Variants in TRIM14 observed in about 807,000 individuals in gnomAD.
The protein encoded by TRIM14 is tripartite motif containing 14.
In TRIM14, 28 loss-of-function variants were observed where a neutral mutation model predicts 44.5. The ratio of observed to expected loss-of-function variants is 0.63; its 90% CI spans 0.47 to 0.86. TRIM14 has a LOEUF of 0.86. Among genes scored for constraint, TRIM14 ranks in the 40% least tolerant of loss-of-function variants. The pLI, the probability that TRIM14 is intolerant of heterozygous loss-of-function variation, is 0.00. For missense variants in TRIM14, 607 were observed against 611.1 expected, an observed-to-expected ratio of 0.99 and a Z score of 0.07; for synonymous variants, 299 against 269.2, an observed-to-expected ratio of 1.11 and a Z score of -1.08.
At chr9:98,106,031 T>C (rs540767604) in intron 2 of TRIM14, among the ~76,000 whole-genome samples, 2 of 151,962 alleles carry the variant, frequency 1.3e-5, no homozygotes, top group Admixed American at 1.3e-4. Context: ...TGAAAATGAG[T>C]CTGGAGCTAC....
chr9:98,058,618 T>C, the TRIM14 span, among the ~76,000 whole-genome samples: 3 of 152,200 alleles, frequency 2.0e-5, no homozygotes, highest in Non-Finnish European at 4.4e-5. Context: ...CTAGAGATAC[T>C]GAAGCCATAG....
chr9:98,049,185 T>C, the TRIM14 span, among the ~76,000 whole-genome samples: 1 of 150,670 alleles, frequency 6.6e-6, no homozygotes, highest in African/African-American at 2.4e-5. Context: ...CTAATAAAAA[T>C]ACAAAAATTA....
chr9:98,083,478 T>C (rs1255585598), downstream of TRIM14, among the ~76,000 whole-genome samples: 1 of 152,250 alleles, frequency 6.6e-6, no homozygotes. Flanking sequence ...CCTTGGCCTC[T>C]GTGTTTAGTT....
the TRIM14 span, among the ~76,000 whole-genome samples, chr9:98,046,887 C>T: frequency 5.9e-5 from 9 of 152,176 alleles, no homozygotes; most frequent in South Asian, 4.1e-4. Context: ...GGATTAGGCA[C>T]GTACAGGACC....
chr9:98,079,238 C>T (rs1829736975), intron 6 of TRIM14, among the ~76,000 whole-genome samples: 1 of 152,192 alleles, frequency 6.6e-6, no homozygotes, highest in African/African-American at 2.4e-5. Flanking sequence ...CTGTCTCACG[C>T]CATCTCTCTC....
chr9:98,054,759 T>A, the TRIM14 span, among the ~76,000 whole-genome samples: 4 of 152,186 alleles, frequency 2.6e-5, no homozygotes, highest in African/African-American at 4.8e-5. Flanking sequence ...GGTGGCCGCT[T>A]GGGCTGGCCT....
chr9:98,044,005 CTTTTTTTTTT>C, the TRIM14 span, among the ~76,000 whole-genome samples: 4 of 131,260 alleles, frequency 3.0e-5, no homozygotes, highest in Non-Finnish European at 4.8e-5. Flanking sequence ...TATTTGTTTC[CTTTTTTTTTT>C]TTTTTTTTTC....
chr9:98,087,834 T>A lies in TRIM14; in HGVS notation c.965A>T (p.His322Leu). ...LARDCFATGR[H>L]YWEVDVQEAG... ...CTCCTGCACGTCAACCTCCCAGTAG[T>A]GGCGGCCGGTGGCGAAGCAGTCACG... is the stretch of plus-strand genomic sequence containing the variant. Residue 322 changes from histidine to leucine, a missense_variant, in exon 6 of 6, where the codon CAC becomes CTC. Transcript: ENST00000341469. 2.6e-6 allele frequency: 4 copies of A among 1,542,482 alleles called. No homozygotes were observed. The highest frequency in any genetic ancestry group is 3.5e-6 in the Non-Finnish European group (4 of 1,156,370).
At chr9:98,106,379 A>G (rs552661298) in intron 2 of TRIM14, among the ~76,000 whole-genome samples, 1 of 152,356 alleles carries the variant, frequency 6.6e-6, no homozygotes, top group African/African-American at 2.4e-5. Context: ...ATTGAATATA[A>G]ATGCTCACAG....
the TRIM14 span, among the ~76,000 whole-genome samples, chr9:98,047,162 A>G: frequency 6.6e-6 from 1 of 152,182 alleles, no homozygotes. Context: ...TTCTCATGGT[A>G]GTGAGTAAGT....
At chr9:98,111,420 C>T (rs941192554) in intron 1 of TRIM14, among the ~76,000 whole-genome samples, 1 of 151,140 alleles carries the variant, frequency 6.6e-6, no homozygotes, top group South Asian at 2.1e-4. Flanking sequence ...CAAAAAACAA[C>T]AAACAAAACA....
At chr9:98,091,085 T>C (rs764296979) in intron 5 of TRIM14, among the ~76,000 whole-genome samples, 1 of 152,220 alleles carries the variant, frequency 6.6e-6, no homozygotes, top group Non-Finnish European at 1.5e-5. Flanking sequence ...GTAATTCCAC[T>C]TGAGAAATTA....
At chr9:98,091,594 G>T (rs1395209264) in intron 5 of TRIM14, among the ~76,000 whole-genome samples, 2 of 151,888 alleles carry the variant, frequency 1.3e-5, no homozygotes, top group Non-Finnish European at 2.9e-5. Context: ...AACATAAAAA[G>T]ATATATTAAA....
intron 5 of TRIM14, 73 bp from the exon 6 acceptor site, chr9:98,088,078 A>T (rs917901479): frequency 7.3e-7 from 1 of 1,371,710 alleles, no homozygotes. Context: ...GGAACCCACC[A>T]ACGCACGTGC....
intron 3 of TRIM14, among the ~76,000 whole-genome samples, 192 bp downstream of exon 3, chr9:98,099,739 C>T (rs978792313): frequency 3.3e-5 from 5 of 152,154 alleles, no homozygotes; most frequent in Non-Finnish European, 5.9e-5. Flanking sequence ...TTAATTAGCC[C>T]AAGAGGTGTA....
downstream of TRIM14, chr9:98,083,123 G>T: frequency 6.7e-7 from 1 of 1,494,484 alleles, no homozygotes; most frequent in Non-Finnish European, 9.2e-7. Flanking sequence ...TGAGTGAGGC[G>T]AGGGCAGGAA....
downstream of TRIM14, among the ~76,000 whole-genome samples, chr9:98,068,976 TA>T (rs1332890586): frequency 6.6e-6 from 1 of 152,216 alleles, no homozygotes; most frequent in Non-Finnish European, 1.5e-5. Context: ...TAAACAGCTT[TA>T]TTGGGACATA....
intron 5 of TRIM14, among the ~76,000 whole-genome samples, chr9:98,088,775 CAG>C (rs1825892558): frequency 6.6e-6 from 1 of 152,168 alleles, no homozygotes; most frequent in Non-Finnish European, 1.5e-5. Context: ...ACTCCTAAAA[CAG>C]GAATTGCTGG....
intron 3 of TRIM14, among the ~76,000 whole-genome samples, chr9:98,096,636 C>T (rs1340223289): frequency 1.3e-5 from 2 of 152,126 alleles, no homozygotes; most frequent in East Asian, 3.9e-4. Context: ...GCCAGAAACC[C>T]AGGCATCATC....
Sources: gnomAD v4.1 joint callset for allele counts (sites outside exome capture counted in the v4.1 genomes callset) on GRCh38, gnomAD v4.1.1 for gene constraint, MANE v1.5 for transcripts, NCBI Gene and HGNC (gene_info 2026-07-23, HGNC 2026-07-21) for gene names.